The following NFE2L2 variants were observed in gnomAD, a reference collection of about 807,000 sequenced individuals.
NFE2L2 encodes the protein nuclear factor erythroid 2-related factor 2.
A neutral mutation model predicts 49.6 loss-of-function variants in NFE2L2; 20 were observed. The observed-to-expected ratio is 0.40, with a 90% confidence interval of 0.28 to 0.59. The LOEUF is 0.59. Among genes scored for constraint, NFE2L2 ranks in the 20% least tolerant of loss-of-function variants. The pLI is 0.40. For synonymous variants in NFE2L2, 244 were observed against 256.5 expected, an observed-to-expected ratio of 0.95 and a Z score of 0.47; for missense variants, 578 against 714.2, an observed-to-expected ratio of 0.81 and a Z score of 2.17.
At chr2:177,245,580 C>T (rs1282283874) in intron 1 of NFE2L2, among the ~76,000 whole-genome samples, 1 of 151,916 alleles carries the variant, frequency 6.6e-6, no homozygotes, top group Non-Finnish European at 1.5e-5. Flanking sequence ...AGCCTCACTA[C>T]AGTAGCATGA....
chr2:177,241,858 A>G (rs939615864), intron 1 of NFE2L2, among the ~76,000 whole-genome samples: 2 of 152,314 alleles, frequency 1.3e-5, no homozygotes, highest in East Asian at 3.9e-4. Context: ...AGCAAAAACA[A>G]AACAAAAACA....
At chr2:177,258,829 G>C (rs1460796479) in intron 1 of NFE2L2, among the ~76,000 whole-genome samples, 1 of 152,116 alleles carries the variant, frequency 6.6e-6, no homozygotes, top group Non-Finnish European at 1.5e-5. Context: ...TCTCTGATTT[G>C]AAAAAGCAAT....
At chr2:177,235,007 T>C (rs1465449312) in intron 1 of NFE2L2, among the ~76,000 whole-genome samples, 1 of 152,020 alleles carries the variant, frequency 6.6e-6, no homozygotes, top group South Asian at 2.1e-4. Context: ...TCCCAGCTAC[T>C]CAGGAGGCTG....
At chr2:177,259,901 C>T (rs1347292182) in intron 1 of NFE2L2, among the ~76,000 whole-genome samples, 1 of 151,962 alleles carries the variant, frequency 6.6e-6, no homozygotes, top group African/African-American at 2.4e-5. Flanking sequence ...CACTGCACTC[C>T]AGCCTGGGCG....
Position 177,231,073 on chromosome 2 carries a change from A to C in NFE2L2, c.1530T>G (p.Ala510=), listed in dbSNP as rs763001776. ...GTTTTCTTTTTCTGCAATTCTGAGC[A>C]GCCACTTTATTCTTACCCCTCCTAC... ...DIRRRGKNKV[A]AQNCRKRKLE... is the part of the protein sequence containing the mutation. Residue 510 remains alanine, a synonymous_variant, in exon 5 of 5, where the codon GCT becomes GCG. Coordinates refer to ENST00000397062, the MANE Select transcript of NFE2L2 (RefSeq NM_006164.5). 2 of 1,614,100 alleles carry C rather than the reference A, an allele frequency of 1.2e-6. No homozygotes were observed. The highest frequency in any genetic ancestry group is 1.7e-6 in the Non-Finnish European group (2 of 1,180,038).
Position 177,233,265 on chromosome 2 carries a change from A to G in NFE2L2, c.387T>C (p.Phe129=). The stretch of plus-strand genomic sequence containing the variant: ...TATACCTCACCTCATTGTCATCTAC[A>G]AACGGGAATGTCTGCGCCAAAAGCT... ...CMQLLAQTFP[F]VDDNEVSSAT... is the part of the protein sequence containing the mutation. The change falls in exon 3 of 5, where the codon TTT becomes TTC. Residue 129 remains phenylalanine (F), a synonymous_variant. Transcript: ENST00000397062. 1 of 1,595,052 alleles carries G rather than the reference A, an allele frequency of 6.3e-7. No homozygotes were observed. The highest frequency in any genetic ancestry group is 8.5e-7 in the Non-Finnish European group (1 of 1,175,044).
Position 177,230,701 on chromosome 2 carries a change from G to A in NFE2L2, c.*84C>T. ...GATTTTGCATAGAATTACTTATAAAGTATGAGCATTTCACATCACAGTAGG... is the reference window on the plus strand; with the variant it reads ...GATTTTGCATAGAATTACTTATAAAATATGAGCATTTCACATCACAGTAGG... On this transcript the variant is annotated 3_prime_UTR_variant, in exon 5 of 5. Coordinates refer to ENST00000397062, the MANE Select transcript of NFE2L2 (RefSeq NM_006164.5). 1.4e-6 allele frequency: 2 copies of A among 1,420,802 alleles called. No homozygotes were observed. The highest frequency in any genetic ancestry group is 1.9e-6 in the Non-Finnish European group (2 of 1,067,540). The allele number at this position is 1,420,802 out of a possible 1,614,324, so 88.0% of individuals were successfully genotyped here. A position where few individuals can be genotyped will look rare whatever the true frequency, so the allele number is the denominator to read the frequency against.
intron 1 of NFE2L2, among the ~76,000 whole-genome samples, chr2:177,263,090 AT>A (rs1334439124): frequency 2.0e-5 from 3 of 152,238 alleles, no homozygotes; most frequent in South Asian, 2.1e-4. Flanking sequence ...TTGAATTCCA[AT>A]TTTTTTCCTA....
Position 177,231,724 on chromosome 2 carries a change from G to A in NFE2L2, c.879C>T (p.Pro293=), listed in dbSNP as rs2105453587. Residue 293 remains proline (P), a synonymous_variant, in exon 5 of 5, where the codon CCC becomes CCT. Coordinates refer to ENST00000397062, the MANE Select transcript of NFE2L2 (RefSeq NM_006164.5). ...GTGAGGGCATGCTGTTGCTGATACT[G>A]GGCTCAGCTATGAAAGCAGAATAAA... ...DEFYSAFIAE[P]SISNSMPSPA... 6.2e-7 allele frequency: 1 copy of A among 1,614,184 alleles called. No homozygotes were observed. Among genetic ancestry groups the A allele is most frequent in the Non-Finnish European group, 8.5e-7 (1 of 1,180,022 alleles).
At chr2:177,249,141 C>G (rs1200760886) in intron 1 of NFE2L2, among the ~76,000 whole-genome samples, 4 of 151,960 alleles carry the variant, frequency 2.6e-5, no homozygotes. Flanking sequence ...GATCCTGGAG[C>G]CCAGGAGGTT....
In NFE2L2 at chr2:177,243,150, T is replaced by C. The variant is rs181023734; in HGVS notation, c.46-8879A>G. On this transcript the variant is annotated intron_variant, in intron 1 of 4. Transcript: ENST00000397062. ...ATTAGGTCTTGTACTGCCCTTAGAA[T>C]GATCCAACCCTCCCCACACCCGACC... Among the ~76,000 whole-genome samples, 60 of 152,244 alleles carry C rather than the reference T, an allele frequency of 3.9e-4. No individual in the cohort carries two copies. The South Asian group carries it at 6.2e-3, about 16-fold the overall frequency.
chr2:177,233,149 T>G (rs1689618400), intron 3 of NFE2L2, 101 bp downstream of exon 3: 1 of 1,006,274 alleles, frequency 9.9e-7, no homozygotes, highest in Non-Finnish European at 1.4e-6. Context: ...ATGTTTTTAT[T>G]CTTTTAAATG....
chr2:177,263,098 C>T (rs73979903), intron 1 of NFE2L2, among the ~76,000 whole-genome samples: 4,550 of 152,228 alleles, frequency 0.03, 234 homozygotes, highest in African/African-American at 0.1. Context: ...CAATTTTTTT[C>T]CTAAAATTCA....
chr2:177,263,785 C>G, intron 1 of NFE2L2: 2 of 985,514 alleles, frequency 2.0e-6, no homozygotes. Context: ...CCGAACCCCT[C>G]CCCGGCCGAG....
chr2:177,243,496 A>T (rs536109961), intron 1 of NFE2L2, among the ~76,000 whole-genome samples: 1 of 152,266 alleles, frequency 6.6e-6, no homozygotes, highest in African/African-American at 2.4e-5. Context: ...GTAAAGATAA[A>T]GTTCAATCCT....
At chr2:177,233,396 A>T in intron 2 of NFE2L2, 57 bp from the exon 3 acceptor site, 1 of 1,248,392 alleles carries the variant, frequency 8.0e-7, no homozygotes, top group South Asian at 1.3e-5. Context: ...TCCATTGCCA[A>T]GCTAAATATT....
chr2:177,232,308 A>C, intron 4 of NFE2L2, 84 bp downstream of exon 4: 2 of 1,291,100 alleles, frequency 1.5e-6, no homozygotes, highest in Non-Finnish European at 1.1e-6. Flanking sequence ...TCCTTCCTAT[A>C]AATAGGTGGT....
intron 2 of NFE2L2, chr2:177,233,554 T>G (rs779772482): frequency 4.9e-5 from 27 of 554,034 alleles, no homozygotes; most frequent in Middle Eastern, 4.7e-4. Flanking sequence ...GGCAAATTAT[T>G]TAACCTTTGT....
At chr2:177,258,149 G>C (rs1332865570) in intron 1 of NFE2L2, among the ~76,000 whole-genome samples, 1 of 152,074 alleles carries the variant, frequency 6.6e-6, no homozygotes, top group Admixed American at 6.5e-5. Context: ...ACTGCTGTAA[G>C]AAACAAACAG....
Sources: allele counts gnomAD v4.1 joint callset (sites outside exome capture counted in the v4.1 genomes callset), GRCh38; gene constraint gnomAD v4.1.1; transcripts MANE v1.5; gene names NCBI Gene and HGNC (gene_info 2026-07-23, HGNC 2026-07-21).